Variants in NEXN observed in about 807,000 individuals in gnomAD.
NEXN encodes the protein nexilin F-actin binding protein, also known as nexilin.
Under a neutral mutation model 92.6 loss-of-function variants are expected in NEXN, and 65 were observed. The observed-to-expected ratio is 0.70, with a 90% confidence interval of 0.57 to 0.86. NEXN has a LOEUF of 0.86. Among genes scored for constraint, NEXN ranks in the 40% least tolerant of loss-of-function variants. The pLI is 0.00. For synonymous variants in NEXN, 254 were observed against 242.5 expected (o/e 1.05, Z -0.44); for missense variants, 778 against 771.1 (o/e 1.01, Z -0.11).
intron 11 of NEXN, among the ~76,000 whole-genome samples, chr1:77,940,405 CAT>C (rs931507081): frequency 1.1e-4 from 16 of 152,126 alleles, no homozygotes; most frequent in African/African-American, 3.1e-4. Flanking sequence ...TTCCCAGAAA[CAT>C]GTTTTAACCT....
In NEXN at chr1:77,903,761, C is replaced by T. The variant is rs1405081453; in HGVS notation, c.-52-12294C>T. The stretch of plus-strand genomic sequence containing the variant: ...GCAATATGATGAAACCCTGTTTCTA[C>T]AAAAAATACAGAAATTAGCTGTGTG... On this transcript the variant is annotated intron_variant, in intron 1 of 12. Transcript: ENST00000334785. Among the ~76,000 whole-genome samples, 5 of 152,000 alleles carry T rather than the reference C, an allele frequency of 3.3e-5. 1 individual carries two copies. Among genetic ancestry groups the T allele is most frequent in the Admixed American group, 2.6e-4 (4 of 15,250 alleles).
intron 1 of NEXN, among the ~76,000 whole-genome samples, chr1:77,898,525 T>G (rs992157733): frequency 3.9e-5 from 6 of 152,176 alleles, no homozygotes; most frequent in Non-Finnish European, 5.9e-5. Flanking sequence ...ATGGATTAAA[T>G]ACTTAAATGT....
At chr1:77,904,661 A>G (rs1242040759) in intron 1 of NEXN, among the ~76,000 whole-genome samples, 1 of 152,196 alleles carries the variant, frequency 6.6e-6, no homozygotes, top group Non-Finnish European at 1.5e-5. Flanking sequence ...TACAGAGGAA[A>G]ATCAGGGAGT....
At chr1:77,925,789 C>T (rs904612194) in intron 6 of NEXN, among the ~76,000 whole-genome samples, 1 of 151,998 alleles carries the variant, frequency 6.6e-6, no homozygotes, top group African/African-American at 2.4e-5. Context: ...ATCTCAGGGC[C>T]ATGTGTTTCA....
intron 1 of NEXN, among the ~76,000 whole-genome samples, chr1:77,915,253 C>CTCA (rs1343854688): frequency 1.3e-5 from 2 of 152,088 alleles, no homozygotes; most frequent in East Asian, 3.9e-4. Flanking sequence ...TTCAAGGGTA[C>CTCA]AGTGAACTGT....
intron 1 of NEXN, among the ~76,000 whole-genome samples, 159 bp from the exon 2 acceptor site, chr1:77,915,896 G>C (rs1291430256): frequency 6.6e-6 from 1 of 151,982 alleles, no homozygotes; most frequent in Non-Finnish European, 1.5e-5. Context: ...TCTATACCAT[G>C]AATCTTGGGA....
chr1:77,924,143 C>G (rs938451976), intron 5 of NEXN: 1 of 173,478 alleles, frequency 5.8e-6, no homozygotes, highest in African/African-American at 2.4e-5. Flanking sequence ...ACGCAGATCA[C>G]TTGGGGTCAG....
chr1:77,942,370 T>TA (rs374889046), intron 12 of NEXN, 91 bp from the exon 13 acceptor site: 14,779 of 1,210,060 alleles, frequency 0.012, no homozygotes, highest in Non-Finnish European at 0.015. Context: ...GTTCTTTACT[T>TA]AAAAAAAAAA....
chr1:77,898,123 C>T (rs574532138), intron 1 of NEXN, among the ~76,000 whole-genome samples: 7 of 152,240 alleles, frequency 4.6e-5, no homozygotes, highest in African/African-American at 1.7e-4. Flanking sequence ...CCCCATCAAG[C>T]TACCAATGAC....
At chr1:77,916,169 G>A (rs1254344728) in intron 2 of NEXN, 36 bp downstream of exon 2, 3 of 1,529,686 alleles carry the variant, frequency 2.0e-6, no homozygotes, top group Non-Finnish European at 2.7e-6. Flanking sequence ...ATAAAAGAGG[G>A]AAATGTAGAG....
chr1:77,918,668 GAAA>G (rs376219706), intron 5 of NEXN, among the ~76,000 whole-genome samples: 2 of 77,178 alleles, frequency 2.6e-5, no homozygotes, highest in Non-Finnish European at 5.4e-5. Flanking sequence ...CTATCTCAAA[GAAA>G]AAAAAAAAAA....
intron 5 of NEXN, among the ~76,000 whole-genome samples, chr1:77,921,652 G>A (rs1649428621): frequency 6.6e-6 from 1 of 152,092 alleles, no homozygotes; most frequent in Non-Finnish European, 1.5e-5. Flanking sequence ...GCTCACACCT[G>A]TAATACCAGC....
chr1:77,918,024 T>C lies in NEXN; in HGVS notation c.284T>C (p.Val95Ala). 6.2e-7 allele frequency: 1 copy of C among 1,613,678 alleles called. No homozygotes were observed. The highest frequency in any genetic ancestry group is 2.2e-5 in the East Asian group (1 of 44,802). ...DVSSKVEKAY[V>A]PKLTGTVKGR... is the part of the protein sequence containing the mutation. Reference sequence around the variant, plus strand: ...TCTTCTAAAGTAGAAAAGGCTTATGTTCCAAAATTAACAGGTAAGAAGCTT... The same window carrying C: ...TCTTCTAAAGTAGAAAAGGCTTATGCTCCAAAATTAACAGGTAAGAAGCTT... The change falls in exon 4 of 13, where the codon GTT (valine) becomes GCT (alanine). Residue 95 changes from valine (V) to alanine (A), a missense_variant. Coordinates refer to ENST00000334785, the MANE Select transcript of NEXN (RefSeq NM_144573.4).
chr1:77,934,036 G>A (rs1189683100), intron 10 of NEXN, among the ~76,000 whole-genome samples: 1 of 77,504 alleles, frequency 1.3e-5, no homozygotes, highest in Non-Finnish European at 2.4e-5. Flanking sequence ...TTGAGATGGA[G>A]TCTTGCTCTG....
intron 11 of NEXN, among the ~76,000 whole-genome samples, chr1:77,938,129 T>C (rs775708786): frequency 2.1e-4 from 32 of 152,220 alleles, no homozygotes; most frequent in South Asian, 2.1e-4. Context: ...CATAAGCTAT[T>C]TGACACAAAT....
Position 77,926,564 on chromosome 1 carries a change from G to C in NEXN, c.640G>C (p.Glu214Gln), listed in dbSNP as rs762488546. Reference sequence around the variant, plus strand: ...GGAAGATAAAAGAATAAGATATGAAGAACAACGACCATCTCTCAAGGAAGC... The same window carrying C: ...GGAAGATAAAAGAATAAGATATGAACAACAACGACCATCTCTCAAGGAAGC... ...YEEDKRIRYE[E>Q]QRPSLKEAKC... Residue 214 changes from glutamate (E) to glutamine (Q), a missense_variant, in exon 7 of 13, where the codon GAA (glutamate) becomes CAA (glutamine). By Grantham distance (29) the Glu-to-Gln change is conservative (BLOSUM62 2). Around this residue, in one of 3 missense-constraint regions of NEXN, gnomAD observed 236 missense variants for 265.6 expected, o/e 0.89. Transcript: ENST00000334785. 6 of 1,613,654 alleles carry C rather than the reference G, an allele frequency of 3.7e-6. No homozygotes were observed. In the South Asian group the frequency reaches 6.6e-5, roughly 18 times the overall value.
intron 1 of NEXN, among the ~76,000 whole-genome samples, chr1:77,904,893 G>A (rs929022010): frequency 6.6e-6 from 1 of 152,200 alleles, no homozygotes; most frequent in South Asian, 2.1e-4. Context: ...AATAGCATGA[G>A]AATAGAGACC....
At chr1:77,939,798 C>A (rs910213711) in intron 11 of NEXN, among the ~76,000 whole-genome samples, 3 of 152,284 alleles carry the variant, frequency 2.0e-5, no homozygotes, top group South Asian at 2.1e-4. Flanking sequence ...AGCGGCTGAG[C>A]GCGGTGGTTT....
chr1:77,900,727 T>C (rs565527870), intron 1 of NEXN, among the ~76,000 whole-genome samples: 1 of 152,326 alleles, frequency 6.6e-6, no homozygotes, highest in Non-Finnish European at 1.5e-5. Flanking sequence ...CCCAGCCTTC[T>C]CTATTATGAC....
Sources: gnomAD v4.1 joint callset for allele counts (sites outside exome capture counted in the v4.1 genomes callset) on GRCh38, gnomAD v4.1.1 for gene constraint, gnomAD v4.1.1 regional missense constraint, MANE v1.5 for transcripts, NCBI Gene and HGNC (gene_info 2026-07-23, HGNC 2026-07-21) for gene names.